The following PARD3B variants were observed in gnomAD, a reference collection of about 807,000 sequenced individuals.
PARD3B encodes partitioning defective 3 homolog B.
A neutral mutation model predicts 130.2 loss-of-function variants in PARD3B; 103 were observed. The observed-to-expected ratio is 0.79, with a 90% CI of 0.67 to 0.93. The LOEUF (loss-of-function observed/expected upper bound fraction) is 0.93. Among genes scored for constraint, PARD3B ranks in the 40% least tolerant of loss-of-function variants. PARD3B has a pLI of 0.00. For synonymous variants in PARD3B, 583 were observed against 553.2 expected (o/e 1.05, Z -0.76); for missense variants, 1,609 against 1,499.2 (o/e 1.07, Z -1.21).
In PARD3B at chr2:204,695,486, TAG is replaced by T. The variant is rs200391898; in HGVS notation, c.222+9207_222+9208del. On this transcript the variant is annotated intron_variant, in intron 2 of 22. Transcript: ENST00000406610. ...AATCAGCTTCACTAAAGCAGTATTG[TAG>T]AGTGTCATGTGGCAGAGCACAGGGC... 2.4e-3 allele frequency among the ~76,000 whole-genome samples: 364 copies of T among 152,132 alleles called. 2 individuals are homozygous for T. The highest frequency in any genetic ancestry group is 8.5e-3 in the African/African-American group (352 of 41,548).
At chr2:205,512,172 G>A (rs1329329565) in intron 21 of PARD3B, among the ~76,000 whole-genome samples, 3 of 152,114 alleles carry the variant, frequency 2.0e-5, no homozygotes, top group Non-Finnish European at 4.4e-5. Context: ...TAACGTCTAT[G>A]ACTTTCCAGC....
chr2:204,649,488 G>A (rs1462560328), intron 1 of PARD3B, among the ~76,000 whole-genome samples: 2 of 151,638 alleles, frequency 1.3e-5, no homozygotes, highest in African/African-American at 2.4e-5. Context: ...TCTGTATGTG[G>A]GTGTGTTTGG....
chr2:205,050,538 TG>T (rs1250319720), intron 4 of PARD3B, among the ~76,000 whole-genome samples: 1 of 152,052 alleles, frequency 6.6e-6, no homozygotes, highest in African/African-American at 2.4e-5. Context: ...CTGATCCAAA[TG>T]TAAATGTACT....
In PARD3B at chr2:205,253,809, C is replaced by G. The variant is rs2039957580; in HGVS notation, c.2185+7987C>G. Among the ~76,000 whole-genome samples the G allele has an allele frequency of 6.6e-6, 1 of 152,050 alleles. No homozygotes were observed. The highest frequency in any genetic ancestry group is 1.9e-4 in the East Asian group (1 of 5,170). ...AGTTGGATCTCCTCCTAACCCTGACCTGCATGATATGGGTGTGAGAAGCTT... is the reference window on the plus strand; with the variant it reads ...AGTTGGATCTCCTCCTAACCCTGACGTGCATGATATGGGTGTGAGAAGCTT... On this transcript the variant is annotated intron_variant, in intron 16 of 22. Coordinates refer to ENST00000406610, the MANE Select transcript of PARD3B (RefSeq NM_001302769.2). The surrounding 1 kb of genome is among the most constrained non-coding windows in gnomAD (Gnocchi z 4.4).
chr2:204,701,974 T>G (rs368884859), intron 2 of PARD3B, among the ~76,000 whole-genome samples: 4 of 152,180 alleles, frequency 2.6e-5, no homozygotes, highest in African/African-American at 7.2e-5. Context: ...AGCTCCCACT[T>G]ACAAGTGAAA....
intron 19 of PARD3B, among the ~76,000 whole-genome samples, chr2:205,412,354 A>G (rs1391317678): frequency 6.6e-6 from 1 of 152,216 alleles, no homozygotes; most frequent in Admixed American, 6.5e-5. Context: ...GGTCGTGGAA[A>G]AGCCCCCTCA....
At chr2:205,380,667 A>G (rs1351255760) in intron 18 of PARD3B, among the ~76,000 whole-genome samples, 1 of 94,930 alleles carries the variant, frequency 1.1e-5, no homozygotes, top group Non-Finnish European at 1.8e-5. Context: ...TATTATATAT[A>G]ATATATAAAG....
At chr2:205,359,052 T>C (rs1033595846) in intron 18 of PARD3B, among the ~76,000 whole-genome samples, 1 of 152,216 alleles carries the variant, frequency 6.6e-6, no homozygotes, top group Non-Finnish European at 1.5e-5. Flanking sequence ...AAGGTAGCTC[T>C]TGAAAATGTG....
intron 22 of PARD3B, among the ~76,000 whole-genome samples, chr2:205,583,223 A>G (rs1447550496): frequency 6.6e-6 from 1 of 152,236 alleles, no homozygotes; most frequent in African/African-American, 2.4e-5. Flanking sequence ...TCAGCTTGAA[A>G]GTCTGCTAAG....
chr2:204,721,864 C>T (rs2039012300), intron 2 of PARD3B, among the ~76,000 whole-genome samples: 1 of 151,938 alleles, frequency 6.6e-6, no homozygotes, highest in African/African-American at 2.4e-5. Flanking sequence ...ATTTCTTGAC[C>T]ACTTTTAACA....
At chr2:205,164,832 C>CACACACACACAT (rs1204802421) in intron 11 of PARD3B, among the ~76,000 whole-genome samples, 29 of 151,842 alleles carry the variant, frequency 1.9e-4, no homozygotes, top group African/African-American at 6.5e-4. Flanking sequence ...TACACACACA[C>CACACACACACAT]ACACACACAC....
rs573409761 is a variant in PARD3B at position 204,646,999 on chromosome 2, A to G, written c.121-39182A>G. Among the ~76,000 whole-genome samples, 19 of 152,154 alleles carry G rather than the reference A, an allele frequency of 1.2e-4. No individual in the cohort carries two copies. The East Asian group carries it at 2.9e-3, about 23-fold the overall frequency. On this transcript the variant is annotated intron_variant, in intron 1 of 22. Coordinates refer to ENST00000406610, the MANE Select transcript of PARD3B (RefSeq NM_001302769.2). The stretch of plus-strand genomic sequence containing the variant: ...ATCTAACTTAAGAGTATTGAAACAC[A>G]TAAGACCAACCTGGGAAAAGACAAA...
intron 2 of PARD3B, among the ~76,000 whole-genome samples, chr2:204,889,817 T>C (rs2046384900): frequency 6.6e-6 from 1 of 152,208 alleles, no homozygotes; most frequent in African/African-American, 2.4e-5. Context: ...GATTCAAGGC[T>C]GGTGAAGAGA....
intron 22 of PARD3B, among the ~76,000 whole-genome samples, chr2:205,607,837 CACA>C (rs1559265595): frequency 0.018 from 1,668 of 94,430 alleles, 60 homozygotes; most frequent in African/African-American, 0.046. Flanking sequence ...CCCATACACA[CACA>C]CACACACACA....
At chr2:204,844,224 C>T (rs906399719) in intron 2 of PARD3B, among the ~76,000 whole-genome samples, 2 of 152,020 alleles carry the variant, frequency 1.3e-5, no homozygotes, top group Admixed American at 1.3e-4. Context: ...ATTATTATTT[C>T]TGTACAAAAG....
chr2:204,859,013 TTTA>T (rs1279581616), intron 2 of PARD3B, among the ~76,000 whole-genome samples: 2 of 151,978 alleles, frequency 1.3e-5, no homozygotes, highest in South Asian at 2.1e-4. Context: ...TTTTAAGAAC[TTTA>T]TTATTCTCAA....
chr2:205,023,541 C>G (rs1280751558), intron 3 of PARD3B, among the ~76,000 whole-genome samples: 2 of 131,466 alleles, frequency 1.5e-5, no homozygotes, highest in East Asian at 4.9e-4. Context: ...CCCCCCACCC[C>G]CCGCCAAATC....
chr2:205,606,145 C>G (rs1282541912), intron 22 of PARD3B, among the ~76,000 whole-genome samples: 1 of 151,588 alleles, frequency 6.6e-6, no homozygotes, highest in Non-Finnish European at 1.5e-5. Context: ...TGACAGCCAC[C>G]CCTCCCCACA....
At chr2:204,806,073 G>A (rs1004776804) in intron 2 of PARD3B, among the ~76,000 whole-genome samples, 3 of 151,800 alleles carry the variant, frequency 2.0e-5, no homozygotes, top group Non-Finnish European at 4.4e-5. Context: ...AAAGCAAACC[G>A]CAGATGCAAT....
Sources: gnomAD v4.1 joint callset for allele counts (sites outside exome capture counted in the v4.1 genomes callset) on GRCh38, gnomAD v4.1.1 for gene constraint, Gnocchi (gnomAD v3.1) non-coding constraint, MANE v1.5 for transcripts, NCBI Gene and HGNC (gene_info 2026-07-23, HGNC 2026-07-21) for gene names.